The following GNB5 variants were observed in gnomAD, a reference collection of about 807,000 sequenced individuals.
The protein encoded by GNB5 is guanine nucleotide-binding protein subunit beta-5.
A neutral mutation model predicts 55.3 loss-of-function variants in GNB5; 37 were observed. The ratio of observed to expected loss-of-function variants is 0.67; its 90% CI spans 0.51 to 0.88. The LOEUF (loss-of-function observed/expected upper bound fraction) is 0.88, where lower values mean the gene tolerates loss of function less well. Among genes scored for constraint, GNB5 ranks in the 40% least tolerant of loss-of-function variants. The probability of loss-of-function intolerance (pLI) is 0.00; values close to 1 mark genes in which losing one functional copy is unlikely to be tolerated. For synonymous variants in GNB5, 219 were observed against 198.5 expected (o/e 1.10, Z -0.87); for missense variants, 476 against 515.3 (o/e 0.92, Z 0.74).
rs1161061085 is a variant in GNB5 at position 52,135,735 on chromosome 15, C to G, written c.649G>C (p.Gly217Arg). The G allele has an allele frequency of 6.2e-7, 1 of 1,612,602 alleles. No homozygotes were observed. The highest frequency in any genetic ancestry group is 1.7e-5 in the Admixed American group (1 of 59,954). The change falls in exon 8 of 13, where the codon GGC becomes CGC. Residue 217 changes from glycine to arginine, a missense_variant. Physicochemically the swap from Gly to Arg is moderately radical, Grantham distance 125 (BLOSUM62 -2). Coordinates refer to ENST00000261837, the MANE Select transcript of GNB5 (RefSeq NM_016194.4). ...DMQILTASGD[G>R]TCALWDVESG... ...TCCACGTCCCACAGGGCACATGTGC[C>G]ATCGCCGCTCGCTGTCAGGATCTGC... is the stretch of plus-strand genomic sequence containing the variant.
At chr15:52,164,822 A>G (rs1483304070) in intron 3 of GNB5, among the ~76,000 whole-genome samples, 2 of 152,132 alleles carry the variant, frequency 1.3e-5, no homozygotes, top group African/African-American at 2.4e-5. Context: ...TGATCACAGC[A>G]TCTCTATAGC....
intron 7 of GNB5, chr15:52,140,149 A>C (rs1596068337): frequency 4.2e-6 from 1 of 236,332 alleles, no homozygotes. Flanking sequence ...TTACCCAGCC[A>C]CCTGACCTCC....
Position 52,136,172 on chromosome 15 carries a change from A to ACACACACACAC in GNB5, c.628-417_628-416insGTGTGTGTGTG, listed in dbSNP as rs1168734914. Among the ~76,000 whole-genome samples the ACACACACACAC allele has an allele frequency of 4.5e-3, 447 of 100,004 alleles. 22 individuals carry two copies. Among genetic ancestry groups the ACACACACACAC allele is most frequent in the East Asian group, 0.011 (39 of 3,618 alleles). The allele number at this position is 100,004 out of a possible 152,430, so 65.6% of individuals were successfully genotyped here. A position where few individuals can be genotyped will look rare whatever the true frequency, so the allele number is the denominator to read the frequency against. The stretch of plus-strand genomic sequence containing the variant: ...CACACACACACACACACACACACAC[A>ACACACACACAC]CCCTACCTGCTGTATCTGGGTTCAT... On this transcript the variant is annotated intron_variant, in intron 7 of 12. Transcript: ENST00000261837.
chr15:52,149,653 C>T (rs2034049092), intron 5 of GNB5: 3 of 616,358 alleles, frequency 4.9e-6, no homozygotes, highest in Non-Finnish European at 5.8e-6. Context: ...TTGGCAGCCC[C>T]TATGGTGGCT....
intron 7 of GNB5, among the ~76,000 whole-genome samples, chr15:52,140,519 G>C (rs557284048): frequency 2.6e-5 from 4 of 152,328 alleles, no homozygotes; most frequent in African/African-American, 9.6e-5. Context: ...AGGTCCCTGA[G>C]GGCCAAGACT....
intron 10 of GNB5, 96 bp downstream of exon 10, chr15:52,128,100 G>A (rs984403114): frequency 5.5e-5 from 44 of 798,246 alleles, no homozygotes; most frequent in Middle Eastern, 4.8e-4. Flanking sequence ...TTGAATACTC[G>A]TTACTTCTGT....
Position 52,116,632 on chromosome 15 carries a change from A to G in GNB5, c.*6125T>C, listed in dbSNP as rs1233357408. ...AATAGAGTCACTAGTGTTTTAAAAAAACAAACCATGACAAATAGAGCTGGG... is the reference window on the plus strand; with the variant it reads ...AATAGAGTCACTAGTGTTTTAAAAAGACAAACCATGACAAATAGAGCTGGG... On this transcript the variant is annotated 3_prime_UTR_variant, in exon 13 of 13. Coordinates refer to ENST00000261837, the MANE Select transcript of GNB5 (RefSeq NM_016194.4). 6.6e-6 allele frequency: 1 copy of G among 152,220 alleles called. No homozygotes were observed. Among genetic ancestry groups the G allele is most frequent in the African/African-American group, 2.4e-5 (1 of 41,448 alleles). 9.4% of individuals were successfully genotyped at this position (152,220 alleles called of 1,614,324 possible).
At chr15:52,174,851 G>A (rs1237301602) in intron 3 of GNB5, among the ~76,000 whole-genome samples, 1 of 152,086 alleles carries the variant, frequency 6.6e-6, no homozygotes, top group Non-Finnish European at 1.5e-5. Flanking sequence ...GGAGGCTGAG[G>A]CGGGTGGATC....
Position 52,179,870 on chromosome 15 carries a change from C to A in GNB5, c.136G>T (p.Glu46Ter). ...AGCGTCTCGTTCTCGTGCAGCCCCTCGGTTGCCATCTTCGCGCGGGGACGC... is the reference window on the plus strand; with the variant it reads ...AGCGTCTCGTTCTCGTGCAGCCCCTAGGTTGCCATCTTCGCGCGGGGACGC... ...CSTCAEIMAT[E>*]GLHENETLAS... The change falls in exon 3 of 13, where the codon GAG becomes TAG. Residue 46 changes from glutamate (E) to a stop codon, truncating the protein, a stop_gained. Transcript: ENST00000261837. LOFTEE classifies it high-confidence loss of function. 6.5e-7 allele frequency: 1 copy of A among 1,543,632 alleles called. No individual in the cohort carries two copies. Among genetic ancestry groups the A allele is most frequent in the Admixed American group, 1.9e-5 (1 of 52,302 alleles).
chr15:52,124,042 A>G (rs2033352439), intron 12 of GNB5, among the ~76,000 whole-genome samples: 2 of 151,706 alleles, frequency 1.3e-5, no homozygotes, highest in Admixed American at 1.3e-4. Flanking sequence ...GAAAAAAGTA[A>G]TAATTTCAGG....
chr15:52,140,632 ACCAC>A, intron 7 of GNB5, among the ~76,000 whole-genome samples: 4 of 152,246 alleles, frequency 2.6e-5, no homozygotes, highest in Non-Finnish European at 5.9e-5. Context: ...CGGTGCTTTC[ACCAC>A]TTGCTAAAGA....
Position 52,131,862 on chromosome 15 carries a change from G to A in GNB5, c.863+1516C>T, listed in dbSNP as rs956102893. ...GTCTCAACAGTACCATCTTTCATAC[G>A]TGGCAAGTCCTGACCTCTCTCTTGG... On this transcript the variant is annotated intron_variant, in intron 9 of 12. Coordinates refer to ENST00000261837, the MANE Select transcript of GNB5 (RefSeq NM_016194.4). Among the ~76,000 whole-genome samples, 8 of 152,038 alleles carry A rather than the reference G, an allele frequency of 5.3e-5. No individual in the cohort carries two copies. In the East Asian group the frequency reaches 5.8e-4, roughly 11 times the overall value.
chr15:52,175,893 AC>A (rs1775821337), intron 3 of GNB5, among the ~76,000 whole-genome samples: 1 of 152,106 alleles, frequency 6.6e-6, no homozygotes, highest in South Asian at 2.1e-4. Context: ...TACTAAAAAT[AC>A]AAAAATTAGC....
At chr15:52,186,398 A>G (rs1013298831) in intron 1 of GNB5, among the ~76,000 whole-genome samples, 1 of 152,210 alleles carries the variant, frequency 6.6e-6, no homozygotes, top group African/African-American at 2.4e-5. Flanking sequence ...TTTGTGCTAC[A>G]GCCTCTTCCT....
intron 9 of GNB5, chr15:52,128,473 A>G (rs2033484717): frequency 3.2e-6 from 2 of 616,372 alleles, no homozygotes; most frequent in South Asian, 1.9e-5. Flanking sequence ...ATATGTGTTG[A>G]TATCAGGCAC....
intron 6 of GNB5, among the ~76,000 whole-genome samples, chr15:52,141,709 A>T (rs1479814788): frequency 1.3e-5 from 2 of 152,218 alleles, no homozygotes; most frequent in Non-Finnish European, 2.9e-5. Context: ...GAACCATTTG[A>T]CTGCAAACTG....
chr15:52,179,942 C>A, intron 2 of GNB5, 63 bp from the exon 3 acceptor site: 1 of 1,435,246 alleles, frequency 7.0e-7, no homozygotes, highest in Middle Eastern at 2.2e-4. Flanking sequence ...CCGCGGCGGG[C>A]GCCGCTCCAG....
chr15:52,144,925 C>T (rs2033937958), intron 6 of GNB5, among the ~76,000 whole-genome samples: 1 of 152,104 alleles, frequency 6.6e-6, no homozygotes, highest in South Asian at 2.1e-4. Context: ...TGGCTTCTGC[C>T]CCAGGGGTCT....
At chr15:52,181,624 CA>C (rs2034772177) in intron 2 of GNB5, among the ~76,000 whole-genome samples, 1 of 151,834 alleles carries the variant, frequency 6.6e-6, no homozygotes, top group African/African-American at 2.4e-5. Context: ...AAAACAAAAA[CA>C]AAAACAAAAA....
Sources: allele counts gnomAD v4.1 joint callset (sites outside exome capture counted in the v4.1 genomes callset), GRCh38; gene constraint gnomAD v4.1.1; transcripts MANE v1.5; gene names NCBI Gene and HGNC (gene_info 2026-07-23, HGNC 2026-07-21).